Variants in SORL1 observed in about 807,000 individuals in gnomAD.
SORL1 encodes the protein sortilin related receptor 1.
SORL1 carries 127 observed loss-of-function variants against 273.7 expected under a neutral mutation model. The ratio of observed to expected loss-of-function variants is 0.46; its 90% CI spans 0.40 to 0.54. SORL1 has a LOEUF of 0.54. SORL1 is among the 20% of genes least tolerant of loss of function. The pLI is 0.00. For missense variants in SORL1, 2,494 were observed against 2,846.1 expected (o/e 0.88, Z 2.81); for synonymous variants, 1,031 against 1,067.4 (o/e 0.97, Z 0.66).
chr11:121,514,061 C>T (rs187580540), intron 7 of SORL1, 91 bp from the exon 8 acceptor site: 87 of 1,383,058 alleles, frequency 6.3e-5, no homozygotes, highest in Non-Finnish European at 8.3e-5. Context: ...ATCGCTAGAA[C>T]ATTTGAAAGT....
intron 9 of SORL1, 126 bp from the exon 10 acceptor site, chr11:121,522,460 G>A: frequency 1.4e-6 from 1 of 722,260 alleles, no homozygotes; most frequent in Non-Finnish European, 2.5e-6. Context: ...TGTGAGTCTG[G>A]TTTCCCCTGG....
At chr11:121,629,064 C>T (rs546956364) in intron 47 of SORL1, 1 of 164,228 alleles carries the variant, frequency 6.1e-6, no homozygotes, top group African/African-American at 2.4e-5. Context: ...GGGAAGCTGT[C>T]CTCAAAATGC....
rs772525577 is a variant in SORL1, at chr11:121,528,906, C to A, written c.1597-3558C>A. Among the ~76,000 whole-genome samples, 109 of 152,200 alleles carry A rather than the reference C, an allele frequency of 7.2e-4. 1 individual carries two copies. The highest frequency in any genetic ancestry group is 2.2e-3 in the Admixed American group (34 of 15,288). On this transcript the variant is annotated intron_variant, in intron 11 of 47. Coordinates refer to ENST00000260197, the MANE Select transcript of SORL1 (RefSeq NM_003105.6). Reference sequence around the variant, plus strand: ...AGGTGGTTGATAATGTTGTTCAGATCTTTTGTGTTCATATTGATTTTTGGG... The same window carrying A: ...AGGTGGTTGATAATGTTGTTCAGATATTTTGTGTTCATATTGATTTTTGGG...
chr11:121,556,913 A>G (rs777576178), intron 18 of SORL1: 18 of 178,298 alleles, frequency 1.0e-4, no homozygotes, highest in Non-Finnish European at 1.7e-4. Context: ...CAAGGCTGTG[A>G]CATTGAGAAT....
In SORL1 at chr11:121,591,090, A is replaced by C; in HGVS notation, c.4303A>C (p.Thr1435Pro). 2 of 1,614,124 alleles carry C rather than the reference A, an allele frequency of 1.2e-6. No homozygotes were observed. Among genetic ancestry groups the C allele is most frequent in the East Asian group, 2.2e-5 (1 of 44,876 alleles). The change falls in exon 31 of 48, where the codon ACC (threonine) becomes CCC (proline). Residue 1435 changes from threonine (T) to proline (P), a missense_variant. Transcript: ENST00000260197. Reference sequence around the variant, plus strand: ...CAGCAGTGGGACCTGCGTGATGGACACCTGGGTGTGCGACGGGTACCGAGA... The same window carrying C: ...CAGCAGTGGGACCTGCGTGATGGACCCCTGGGTGTGCGACGGGTACCGAGA... The part of the protein sequence containing the change: ...RCSSGTCVMD[T>P]WVCDGYRDCA...
intron 16 of SORL1, among the ~76,000 whole-genome samples, chr11:121,551,958 C>T (rs985603159): frequency 3.3e-5 from 5 of 152,158 alleles, no homozygotes; most frequent in African/African-American, 1.2e-4. Context: ...TCTTGAGGGG[C>T]TGGAGTGCCT....
chr11:121,599,314 G>T (rs1378044217), intron 32 of SORL1, among the ~76,000 whole-genome samples: 1 of 152,238 alleles, frequency 6.6e-6, no homozygotes, highest in Admixed American at 6.5e-5. Context: ...GGAGGCCAAG[G>T]CGGGTGGATC....
At position 121,567,154 on chromosome 11, in the gene SORL1, T is replaced by G. The variant is rs1862767000; in HGVS notation, c.3223+41T>G. On this transcript the variant is annotated intron_variant, in intron 22 of 47. Transcript: ENST00000260197. ...TTTTTTGCCTGTCATCCTCCTTCCT[T>G]TGTTTCCTGCTCCCCGCCAGGGGAG... is the stretch of plus-strand genomic sequence containing the variant. 3 of 1,550,126 alleles carry G rather than the reference T, an allele frequency of 1.9e-6. No homozygotes were observed. The South Asian group carries it at 3.5e-5, about 18-fold the overall frequency.
chr11:121,552,715 TA>T lies in SORL1; in HGVS notation c.2267-1221del, dbSNP rs529412994. On this transcript the variant is annotated intron_variant, in intron 16 of 47. Transcript: ENST00000260197. ...CCTTATTAAAAATTGTAGGTAGATT[TA>T]TTTTTTGATGCATTATCTATATTAC... 8.8e-4 allele frequency among the ~76,000 whole-genome samples: 134 copies of T among 152,370 alleles called. 1 individual carries two copies. The highest frequency in any genetic ancestry group is 3.2e-3 in the African/African-American group (132 of 41,590).
chr11:121,570,219 T>TG lies in SORL1; in HGVS notation c.3288dup (p.Cys1097ValfsTer2). On this transcript the variant is annotated frameshift_variant, in exon 23 of 48. Coordinates refer to ENST00000260197, the MANE Select transcript of SORL1 (RefSeq NM_003105.6). LOFTEE classifies it high-confidence loss of function. ...CGGGAACTGTATCAACAGCATTTGG[T>TG]GGTGTGACTTTGACAACGACTGTGG... 1 of 1,614,022 alleles carries TG rather than the reference T, an allele frequency of 6.2e-7. No individual in the cohort carries two copies. The highest frequency in any genetic ancestry group is 8.5e-7 in the Non-Finnish European group (1 of 1,179,894).
chr11:121,522,713 C>T lies in SORL1; in HGVS notation c.1522+10C>T, dbSNP rs779571831. 6.3e-7 allele frequency: 1 copy of T among 1,598,514 alleles called. No homozygotes were observed. The highest frequency in any genetic ancestry group is 1.7e-5 in the Admixed American group (1 of 60,008). On this transcript the variant is annotated intron_variant, in intron 10 of 47. Transcript: ENST00000260197. Reference sequence around the variant, plus strand: ...CTCATCATCGCCACTGGTAAGTGTGCTTGCCTGTTCTCAAAAGGGGTTCAG... The same window carrying T: ...CTCATCATCGCCACTGGTAAGTGTGTTTGCCTGTTCTCAAAAGGGGTTCAG...
Position 121,576,733 on chromosome 11 carries a change from TC to T in SORL1, c.3461-546del. 2.1e-6 allele frequency: 3 copies of T among 1,450,768 alleles called. No homozygotes were observed. The South Asian group carries it at 4.3e-5, about 21-fold the overall frequency. 89.9% of individuals were successfully genotyped at this position (1,450,768 alleles called of 1,614,324 possible). A position where few individuals can be genotyped will look rare whatever the true frequency, so the allele number is the denominator to read the frequency against. On this transcript the variant is annotated intron_variant, in intron 24 of 47. Transcript: ENST00000260197. Reference sequence around the variant, plus strand: ...CCCCCACCCTTCTAGAGACAGCGCATCCACCCGTGTCCCTGGAGCTCTGCCC... The same window carrying T: ...CCCCCACCCTTCTAGAGACAGCGCATCACCCGTGTCCCTGGAGCTCTGCCC...
rs1203249379 is a variant in SORL1 at position 121,476,589 on chromosome 11, C to G, written c.403-1529C>G. Among the ~76,000 whole-genome samples the G allele has an allele frequency of 3.9e-5, 6 of 152,190 alleles. No homozygotes were observed. In the East Asian group the frequency reaches 9.6e-4, roughly 24 times the overall value. ...AGTCTTTGTCTGTCTGGTGTCTAGACAATACCTGGCTCACATGGAACCCTC... is the reference window on the plus strand; with the variant it reads ...AGTCTTTGTCTGTCTGGTGTCTAGAGAATACCTGGCTCACATGGAACCCTC... On this transcript the variant is annotated intron_variant, in intron 2 of 47. Coordinates refer to ENST00000260197, the MANE Select transcript of SORL1 (RefSeq NM_003105.6).
intron 1 of SORL1, among the ~76,000 whole-genome samples, chr11:121,460,498 C>T (rs1385084839): frequency 1.3e-5 from 2 of 149,308 alleles, no homozygotes; most frequent in Non-Finnish European, 3.0e-5. Context: ...CAGGTTCAGG[C>T]GATTCTTGTG....
At chr11:121,495,868 G>A (rs780394460) in intron 5 of SORL1, among the ~76,000 whole-genome samples, 2 of 152,174 alleles carry the variant, frequency 1.3e-5, no homozygotes, top group Non-Finnish European at 2.9e-5. Flanking sequence ...ATACTATAGG[G>A]TAAAATGAAA....
chr11:121,577,520 G>A (rs940568264), intron 25 of SORL1, 120 bp downstream of exon 25: 169 of 1,125,528 alleles, frequency 1.5e-4, no homozygotes, highest in Admixed American at 1.1e-3. Context: ...AGAAATCAGC[G>A]AGTTTCATGC....
intron 18 of SORL1, among the ~76,000 whole-genome samples, chr11:121,555,742 TATCATC>T (rs373632261): frequency 6.6e-6 from 1 of 151,854 alleles, no homozygotes; most frequent in African/African-American, 2.4e-5. Flanking sequence ...ATAGCAACAA[TATCATC>T]ATCATCATCA....
intron 23 of SORL1, among the ~76,000 whole-genome samples, chr11:121,571,027 C>T (rs895615852): frequency 5.9e-5 from 9 of 152,202 alleles, no homozygotes; most frequent in Non-Finnish European, 7.3e-5. Context: ...GCTATACACC[C>T]TGTGTTCCAG....
At position 121,545,691 on chromosome 11, in the gene SORL1, G is replaced by A. The variant is rs145580275; in HGVS notation, c.2051+262G>A. The stretch of plus-strand genomic sequence containing the variant: ...ATTTCTACAGGAATAGATAGCTCTG[G>A]GATTTATTTCTATTAGGGTAACCCA... On this transcript the variant is annotated intron_variant, in intron 14 of 47. Coordinates refer to ENST00000260197, the MANE Select transcript of SORL1 (RefSeq NM_003105.6). 4.5e-3 allele frequency among the ~76,000 whole-genome samples: 680 copies of A among 152,218 alleles called. 8 individuals carry two copies. The highest frequency in any genetic ancestry group is 4.7e-3 in the Non-Finnish European group (322 of 68,020).
Sources: allele counts gnomAD v4.1 joint callset (sites outside exome capture counted in the v4.1 genomes callset), GRCh38; gene constraint gnomAD v4.1.1; transcripts MANE v1.5; gene names NCBI Gene and HGNC (gene_info 2026-07-23, HGNC 2026-07-21).